Variants in DOCK2 observed in about 807,000 individuals in gnomAD.
DOCK2 encodes the protein dedicator of cytokinesis 2.
A neutral mutation model predicts 248.9 loss-of-function variants in DOCK2; 87 were observed. The observed-to-expected ratio is 0.35, with a 90% CI of 0.29 to 0.42. DOCK2 has a LOEUF of 0.42. DOCK2 is among the 10% of genes least tolerant of loss of function. The pLI is 1.00. For synonymous variants in DOCK2, 805 were observed against 821.6 expected (o/e 0.98, Z 0.35); for missense variants, 1,747 against 2,300.2 (o/e 0.76, Z 4.92).
intron 22 of DOCK2, among the ~76,000 whole-genome samples, chr5:169,746,909 C>T (rs530740726): frequency 3.5e-4 from 53 of 152,248 alleles, no homozygotes; most frequent in African/African-American, 1.1e-3. Flanking sequence ...AATAAGTTAA[C>T]TCCTGAAATG....
chr5:170,067,386 A>G (rs190977417), intron 44 of DOCK2, 124 bp from the exon 45 acceptor site: 3 of 934,260 alleles, frequency 3.2e-6, no homozygotes, highest in East Asian at 5.4e-5. Context: ...AGATCCTGTT[A>G]CAGCCCCTTA....
chr5:169,855,653 C>T (rs773107882), intron 27 of DOCK2, among the ~76,000 whole-genome samples: 31 of 152,160 alleles, frequency 2.0e-4, no homozygotes, highest in Non-Finnish European at 3.8e-4. Context: ...AAGAACAGTG[C>T]AGGGGTCTAC....
chr5:169,884,040 G>A (rs1407454755), intron 27 of DOCK2: 2 of 710,656 alleles, frequency 2.8e-6, no homozygotes, highest in Non-Finnish European at 4.2e-6. Flanking sequence ...TCTTAGTATG[G>A]GAAATCCTGT....
At chr5:169,941,502 C>T (rs1055265266) in intron 27 of DOCK2, among the ~76,000 whole-genome samples, 1 of 152,140 alleles carries the variant, frequency 6.6e-6, no homozygotes, top group Non-Finnish European at 1.5e-5. Flanking sequence ...CCCATGGAAC[C>T]AGGGCAAGTG....
intron 9 of DOCK2, among the ~76,000 whole-genome samples, chr5:169,690,159 C>T (rs934447337): frequency 2.6e-5 from 4 of 151,682 alleles, no homozygotes; most frequent in African/African-American, 9.7e-5. Context: ...TCTCCTGCCT[C>T]AGCCTCCTGA....
chr5:169,958,612 T>C (rs1376382469), intron 27 of DOCK2, among the ~76,000 whole-genome samples: 2 of 151,572 alleles, frequency 1.3e-5, no homozygotes, highest in African/African-American at 2.4e-5. Flanking sequence ...ATTTACAAAA[T>C]GTGGTTTAAA....
At chr5:169,739,001 C>T (rs1283004459) in intron 22 of DOCK2, among the ~76,000 whole-genome samples, 1 of 152,128 alleles carries the variant, frequency 6.6e-6, no homozygotes, top group African/African-American at 2.4e-5. Context: ...TTGGGTGTTC[C>T]CAAATTTCAA....
chr5:169,730,938 G>A (rs561148621), intron 22 of DOCK2, among the ~76,000 whole-genome samples: 2 of 152,160 alleles, frequency 1.3e-5, no homozygotes, highest in South Asian at 4.1e-4. Flanking sequence ...CTGAAGTACA[G>A]TGGCATGATC....
intron 3 of DOCK2, 141 bp from the exon 4 acceptor site, chr5:169,670,401 T>C: frequency 2.1e-6 from 2 of 930,864 alleles, no homozygotes; most frequent in Non-Finnish European, 1.5e-6. Context: ...TCTATCTGGC[T>C]CTGGGTTTAT....
At chr5:169,738,261 G>A (rs2113654521) in intron 22 of DOCK2, among the ~76,000 whole-genome samples, 1 of 152,344 alleles carries the variant, frequency 6.6e-6, no homozygotes, top group Non-Finnish European at 1.5e-5. Flanking sequence ...GATCGCATCT[G>A]TGTTTTTAGA....
At chr5:170,022,739 CTG>C (rs1009176051) in intron 33 of DOCK2, among the ~76,000 whole-genome samples, 2 of 152,182 alleles carry the variant, frequency 1.3e-5, no homozygotes, top group African/African-American at 4.8e-5. Context: ...GCTCATAGGT[CTG>C]TGTTCCACAG....
intron 1 of DOCK2, among the ~76,000 whole-genome samples, chr5:169,649,310 A>G (rs1757665863): frequency 1.3e-5 from 2 of 152,216 alleles, no homozygotes; most frequent in Admixed American, 6.5e-5. Flanking sequence ...TCCATCTTGA[A>G]GGGTCACAGG....
At chr5:170,037,057 C>T (rs1386354120) in intron 36 of DOCK2, among the ~76,000 whole-genome samples, 2 of 151,958 alleles carry the variant, frequency 1.3e-5, no homozygotes, top group Non-Finnish European at 2.9e-5. Flanking sequence ...ACTCCTTTGC[C>T]AGTTTTTCTC....
intron 32 of DOCK2, among the ~76,000 whole-genome samples, chr5:170,011,552 G>A (rs1184923426): frequency 1.3e-5 from 2 of 152,140 alleles, no homozygotes; most frequent in African/African-American, 4.8e-5. Context: ...GGGCAAGAAA[G>A]AGCCGAAGAA....
chr5:169,856,607 A>G (rs1055042751), intron 27 of DOCK2, among the ~76,000 whole-genome samples: 1 of 152,086 alleles, frequency 6.6e-6, no homozygotes, highest in Non-Finnish European at 1.5e-5. Flanking sequence ...ATTGTTTTTT[A>G]TTTTAAAACA....
intron 25 of DOCK2, among the ~76,000 whole-genome samples, chr5:169,787,936 A>C (rs1165286638): frequency 6.6e-6 from 1 of 151,976 alleles, no homozygotes; most frequent in East Asian, 1.9e-4. Flanking sequence ...CCCATGGGAA[A>C]TTATTTTTTT....
At chr5:169,932,660 T>C (rs1044476876) in intron 27 of DOCK2, among the ~76,000 whole-genome samples, 43 of 151,990 alleles carry the variant, frequency 2.8e-4, no homozygotes, top group African/African-American at 1.0e-3. Flanking sequence ...TATAAACACA[T>C]GTAAGGAGAA....
intron 9 of DOCK2, among the ~76,000 whole-genome samples, chr5:169,692,987 G>A (rs918741195): frequency 6.7e-5 from 10 of 150,236 alleles, no homozygotes; most frequent in Non-Finnish European, 3.0e-5. Context: ...TGAAGATTAG[G>A]TATTCAATAT....
intron 33 of DOCK2, among the ~76,000 whole-genome samples, chr5:170,022,820 T>G (rs1452584934): frequency 6.6e-6 from 1 of 152,204 alleles, no homozygotes; most frequent in Non-Finnish European, 1.5e-5. Flanking sequence ...GTCAAGTGCC[T>G]GAGATGCACG....
Sources: gnomAD v4.1 joint callset for allele counts (sites outside exome capture counted in the v4.1 genomes callset) on GRCh38, gnomAD v4.1.1 for gene constraint, MANE v1.5 for transcripts, NCBI Gene and HGNC (gene_info 2026-07-23, HGNC 2026-07-21) for gene names.